The following STXBP5L variants were observed in gnomAD, a reference collection of about 807,000 sequenced individuals.
STXBP5L encodes the protein syntaxin-binding protein 5-like.
In STXBP5L, 65 loss-of-function variants were observed where a neutral mutation model predicts 144.5. The observed-to-expected ratio is 0.45, with a 90% CI of 0.37 to 0.55. The LOEUF (loss-of-function observed/expected upper bound fraction) is 0.55, where lower values mean the gene tolerates loss of function less well. STXBP5L is among the 20% of genes least tolerant of loss of function. The pLI is 0.00. For synonymous variants in STXBP5L, 505 were observed against 469.6 expected (o/e 1.08, Z -0.97); for missense variants, 1,298 against 1,405.5 (o/e 0.92, Z 1.22).
At position 121,223,135 on chromosome 3, in the gene STXBP5L, A is replaced by T. The variant is rs2049024125; in HGVS notation, c.1089A>T (p.Leu363Phe). ...ATCCTATTGTTGAATTTCTAACTTT[A>T]TGTGAAACGCCCTATCCAAATGGTA... ...MDHPIVEFLT[L>F]CETPYPNEFQ... Residue 363 changes from leucine to phenylalanine, a missense_variant, in exon 11 of 27, where the codon TTA becomes TTT. Leu to Phe is a conservative substitution (Grantham distance 22). Coordinates refer to ENST00000471454, the MANE Select transcript of STXBP5L (RefSeq NM_001308330.2). The T allele has an allele frequency of 6.2e-7, 1 of 1,607,352 alleles. No individual in the cohort carries two copies. The highest frequency in any genetic ancestry group is 1.3e-5 in the African/African-American group (1 of 74,550).
At chr3:121,237,987 C>T (rs2049538052) in intron 12 of STXBP5L, among the ~76,000 whole-genome samples, 1 of 152,168 alleles carries the variant, frequency 6.6e-6, no homozygotes, top group Non-Finnish European at 1.5e-5. Flanking sequence ...TAACCAATCT[C>T]TAAGAAGTTC....
intron 20 of STXBP5L, among the ~76,000 whole-genome samples, chr3:121,355,351 A>G (rs142066630): frequency 0.016 from 2,364 of 152,214 alleles, 33 homozygotes; most frequent in Non-Finnish European, 0.027. Context: ...GTCTTTTCAT[A>G]TAGTCCCATA....
chr3:121,255,788 T>A (rs2050189734), intron 16 of STXBP5L, among the ~76,000 whole-genome samples: 1 of 152,042 alleles, frequency 6.6e-6, no homozygotes, highest in Non-Finnish European at 1.5e-5. Context: ...AACGAAATAC[T>A]CTGCTTATTC....
chr3:121,392,971 A>G (rs2046633080), intron 22 of STXBP5L, among the ~76,000 whole-genome samples: 1 of 151,748 alleles, frequency 6.6e-6, no homozygotes, highest in Non-Finnish European at 1.5e-5. Context: ...CTTGATCAAA[A>G]GATAGTTTTA....
chr3:121,078,973 G>T (rs887744197), intron 5 of STXBP5L, among the ~76,000 whole-genome samples: 1 of 152,198 alleles, frequency 6.6e-6, no homozygotes, highest in African/African-American at 2.4e-5. Flanking sequence ...AGACAGCTCC[G>T]GCCTTGACCA....
At chr3:121,196,541 T>C (rs2047927395) in intron 9 of STXBP5L, among the ~76,000 whole-genome samples, 1 of 152,218 alleles carries the variant, frequency 6.6e-6, no homozygotes. Flanking sequence ...TTTTCTTTAA[T>C]ACTTCATTAA....
chr3:121,185,170 T>C (rs1305346084), intron 9 of STXBP5L, among the ~76,000 whole-genome samples: 1 of 152,198 alleles, frequency 6.6e-6, no homozygotes, highest in Non-Finnish European at 1.5e-5. Context: ...TTTGAGTTAA[T>C]TGTAGATTCT....
At chr3:121,166,853 T>G (rs539841049) in intron 9 of STXBP5L, among the ~76,000 whole-genome samples, 13 of 152,026 alleles carry the variant, frequency 8.6e-5, no homozygotes, top group Non-Finnish European at 1.9e-4. Context: ...AGCTCAGAAG[T>G]GAAATAATAG....
chr3:120,933,571 T>C (rs963074162), intron 2 of STXBP5L, among the ~76,000 whole-genome samples: 1 of 152,186 alleles, frequency 6.6e-6, no homozygotes, highest in African/African-American at 2.4e-5. Context: ...ATAGCCAGAC[T>C]GTTGAATTAA....
intron 24 of STXBP5L, 71 bp downstream of exon 24, chr3:121,413,394 C>CA: frequency 7.4e-7 from 1 of 1,344,546 alleles, no homozygotes; most frequent in Non-Finnish European, 9.9e-7. Flanking sequence ...TGTCTAAAAA[C>CA]AAAAATATTA....
rs1414826093 is a variant in STXBP5L at position 121,313,817 on chromosome 3, G to A, written c.2111-4658G>A. Among the ~76,000 whole-genome samples, 11 of 142,164 alleles carry A rather than the reference G, an allele frequency of 7.7e-5. No homozygotes were observed. The East Asian group carries it at 1.4e-3, about 18-fold the overall frequency. The allele number at this position is 142,164 out of a possible 152,430, so 93.3% of individuals were successfully genotyped here. Reference sequence around the variant, plus strand: ...TTCCCAGATGGGGTGGTTGCCGGACGGAGGGGCTCCTCACTTCTCAGACGG... The same window carrying A: ...TTCCCAGATGGGGTGGTTGCCGGACAGAGGGGCTCCTCACTTCTCAGACGG... On this transcript the variant is annotated intron_variant, in intron 19 of 26. Coordinates refer to ENST00000471454, the MANE Select transcript of STXBP5L (RefSeq NM_001308330.2).
intron 18 of STXBP5L, among the ~76,000 whole-genome samples, chr3:121,273,601 C>G (rs186118846): frequency 6.6e-6 from 1 of 152,156 alleles, no homozygotes; most frequent in Non-Finnish European, 1.5e-5. Flanking sequence ...CTCTCTGTCC[C>G]TTTCTCTCTC....
intron 5 of STXBP5L, among the ~76,000 whole-genome samples, chr3:121,094,359 G>T (rs1225453720): frequency 6.6e-6 from 1 of 152,070 alleles, no homozygotes; most frequent in Non-Finnish European, 1.5e-5. Context: ...TCTGTCTAAT[G>T]TTGACAGTGG....
chr3:121,267,322 A>G (rs1025613007), intron 18 of STXBP5L, among the ~76,000 whole-genome samples: 1 of 152,206 alleles, frequency 6.6e-6, no homozygotes, highest in Non-Finnish European at 1.5e-5. Context: ...AGAATTCCCT[A>G]TTTAATAAAT....
intron 20 of STXBP5L, among the ~76,000 whole-genome samples, chr3:121,341,813 A>G (rs1436149427): frequency 6.6e-6 from 1 of 152,116 alleles, no homozygotes. Flanking sequence ...AAAATTTAAA[A>G]CAGTTGAACT....
intron 18 of STXBP5L, among the ~76,000 whole-genome samples, 191 bp from the exon 19 acceptor site, chr3:121,279,614 A>G (rs1231907505): frequency 6.6e-6 from 1 of 151,830 alleles, no homozygotes; most frequent in East Asian, 1.9e-4. Flanking sequence ...TTTGTGGTAA[A>G]TTGTATGCCT....
intron 18 of STXBP5L, among the ~76,000 whole-genome samples, chr3:121,263,744 G>A (rs537703180): frequency 1.2e-4 from 18 of 152,166 alleles, no homozygotes; most frequent in South Asian, 8.3e-4. Context: ...GAAATAAAGC[G>A]TGAAGAAAGG....
At chr3:121,052,900 T>A (rs1343826701) in intron 5 of STXBP5L, among the ~76,000 whole-genome samples, 1 of 152,190 alleles carries the variant, frequency 6.6e-6, no homozygotes, top group Non-Finnish European at 1.5e-5. Flanking sequence ...CAGCAAAGTC[T>A]CAGGATGCAA....
intron 3 of STXBP5L, among the ~76,000 whole-genome samples, chr3:120,981,137 T>C (rs183479648): frequency 3.3e-5 from 5 of 152,310 alleles, no homozygotes; most frequent in Admixed American, 3.3e-4. Flanking sequence ...CTTTTAGGAC[T>C]TTCTCTTTCA....
Sources: allele counts gnomAD v4.1 joint callset (sites outside exome capture counted in the v4.1 genomes callset), GRCh38; gene constraint gnomAD v4.1.1; transcripts MANE v1.5; gene names NCBI Gene and HGNC (gene_info 2026-07-23, HGNC 2026-07-21).